Variants in POFUT3 observed in about 807,000 individuals in gnomAD.
POFUT3 encodes protein O-fucosyltransferase 3, also known as GDP-fucose protein O-fucosyltransferase 3.
At chr8:33,384,242 T>C in the POFUT3 span, among the ~76,000 whole-genome samples, 1 of 152,172 alleles carries the variant, frequency 6.6e-6, no homozygotes, top group Non-Finnish European at 1.5e-5. Flanking sequence ...AGGCTATGCA[T>C]GAACAGAAGA....
the POFUT3 span, among the ~76,000 whole-genome samples, chr8:33,370,225 G>A: frequency 6.8e-6 from 1 of 147,536 alleles, no homozygotes; most frequent in Non-Finnish European, 1.5e-5. Flanking sequence ...CCTGGTGGCA[G>A]GTGCCTGTAA....
chr8:33,385,485 T>C, the POFUT3 span, among the ~76,000 whole-genome samples: 1 of 152,152 alleles, frequency 6.6e-6, no homozygotes, highest in South Asian at 2.1e-4. Flanking sequence ...GTAACTGCCA[T>C]GAACACAGTC....
chr8:33,384,393 A>T, the POFUT3 span, among the ~76,000 whole-genome samples: 6 of 152,232 alleles, frequency 3.9e-5, no homozygotes, highest in Non-Finnish European at 8.8e-5. Context: ...TCCCAGTGAC[A>T]GGCTAAAATC....
chr8:33,359,352 C>A, the POFUT3 span, among the ~76,000 whole-genome samples: 1 of 152,154 alleles, frequency 6.6e-6, no homozygotes, highest in African/African-American at 2.4e-5. Context: ...GAGTTTATGG[C>A]ATCTATTCTC....
the POFUT3 span, among the ~76,000 whole-genome samples, chr8:33,434,782 T>A: frequency 3.3e-5 from 5 of 152,150 alleles, no homozygotes; most frequent in African/African-American, 1.2e-4. Flanking sequence ...CCACCCCTGC[T>A]AAAGCCACTG....
the POFUT3 span, among the ~76,000 whole-genome samples, chr8:33,395,192 G>T: frequency 2.6e-5 from 4 of 152,170 alleles, no homozygotes; most frequent in Non-Finnish European, 5.9e-5. Context: ...CTACCCTCAA[G>T]CCTGGACCCT....
At chr8:33,395,499 T>C in the POFUT3 span, among the ~76,000 whole-genome samples, 1 of 151,824 alleles carries the variant, frequency 6.6e-6, no homozygotes, top group South Asian at 2.1e-4. Context: ...GGGAAGATCA[T>C]CTTTCCGCTC....
chr8:33,370,529 T>C, the POFUT3 span, among the ~76,000 whole-genome samples: 1 of 152,174 alleles, frequency 6.6e-6, no homozygotes, highest in African/African-American at 2.4e-5. Context: ...AAGTGAAAGG[T>C]ATGGCAAAAT....
chr8:33,389,669 T>C, the POFUT3 span: 2 of 1,614,198 alleles, frequency 1.2e-6, no homozygotes, highest in East Asian at 2.2e-5. Flanking sequence ...CGTGGCAGTG[T>C]AGTTGAACAA....
the POFUT3 span, among the ~76,000 whole-genome samples, chr8:33,337,136 C>T: frequency 6.6e-6 from 1 of 152,118 alleles, no homozygotes; most frequent in Non-Finnish European, 1.5e-5. Flanking sequence ...GATGTGAGTG[C>T]TGAGTCTTAC....
At chr8:33,458,361 T>A in the POFUT3 span, among the ~76,000 whole-genome samples, 1 of 152,188 alleles carries the variant, frequency 6.6e-6, no homozygotes, top group South Asian at 2.1e-4. Flanking sequence ...ATGGCATGAT[T>A]TTTTTCTATT....
At chr8:33,403,669 C>T in the POFUT3 span, among the ~76,000 whole-genome samples, 1 of 152,032 alleles carries the variant, frequency 6.6e-6, no homozygotes, top group Non-Finnish European at 1.5e-5. Context: ...CTGCAGTGAG[C>T]AATGACTATA....
the POFUT3 span, among the ~76,000 whole-genome samples, chr8:33,319,435 T>TTATATA: frequency 1.7e-5 from 1 of 58,424 alleles, no homozygotes; most frequent in East Asian, 8.9e-4. Context: ...TATATATATT[T>TTATATA]TTTATATATT....
the POFUT3 span, among the ~76,000 whole-genome samples, chr8:33,355,665 T>A: frequency 6.6e-6 from 1 of 152,144 alleles, no homozygotes; most frequent in Non-Finnish European, 1.5e-5. Flanking sequence ...ACATTTATTT[T>A]TTTTTTGGTT....
chr8:33,447,744 A>G, the POFUT3 span, among the ~76,000 whole-genome samples: 5 of 152,342 alleles, frequency 3.3e-5, no homozygotes, highest in South Asian at 1.0e-3. Context: ...AAAAGCTTCC[A>G]GGCCACATAA....
the POFUT3 span, among the ~76,000 whole-genome samples, chr8:33,375,050 T>A: frequency 2.6e-5 from 4 of 151,522 alleles, no homozygotes; most frequent in African/African-American, 9.7e-5. Context: ...CCAGCTAATT[T>A]TTTTTATTTT....
chr8:33,426,972 C>G, the POFUT3 span, among the ~76,000 whole-genome samples: 1 of 152,146 alleles, frequency 6.6e-6, no homozygotes, highest in African/African-American at 2.4e-5. Flanking sequence ...TACGGTTATT[C>G]CAGAGAGTAC....
At chr8:33,345,411 T>G in the POFUT3 span, among the ~76,000 whole-genome samples, 1 of 149,974 alleles carries the variant, frequency 6.7e-6, no homozygotes, top group South Asian at 2.1e-4. Flanking sequence ...TTTTTTTTTT[T>G]TTTTTTTGAG....
the POFUT3 span, among the ~76,000 whole-genome samples, chr8:33,445,124 G>A: frequency 4.0e-5 from 6 of 151,754 alleles, no homozygotes; most frequent in South Asian, 4.2e-4. Flanking sequence ...TGTAGAGCCC[G>A]GGTTTTGCCA....
Sources: allele counts gnomAD v4.1 joint callset (sites outside exome capture counted in the v4.1 genomes callset), GRCh38; gene constraint gnomAD v4.1.1; transcripts MANE v1.5; gene names NCBI Gene and HGNC (gene_info 2026-07-23, HGNC 2026-07-21).